The following STIM1 variants were observed in gnomAD, a reference collection of about 807,000 sequenced individuals.
STIM1 encodes stromal interaction molecule 1.
Under a neutral mutation model 74.7 loss-of-function variants are expected in STIM1, and 25 were observed. That is an observed-to-expected ratio of 0.33 (90% CI 0.24 to 0.47). STIM1 has a LOEUF of 0.47. Among genes scored for constraint, STIM1 ranks in the 20% least tolerant of loss-of-function variants. The pLI is 1.00. For missense variants in STIM1, 728 were observed against 920.8 expected (o/e 0.79, Z 2.71); for synonymous variants, 328 against 348.8 (o/e 0.94, Z 0.66).
At chr11:3,987,529 T>C (rs1312518803) in intron 2 of STIM1, among the ~76,000 whole-genome samples, 1 of 152,160 alleles carries the variant, frequency 6.6e-6, no homozygotes, top group Non-Finnish European at 1.5e-5. Context: ...TGGTAACACT[T>C]TCCTCTGCAT....
chr11:4,037,124 C>T (rs1211388485), intron 3 of STIM1, among the ~76,000 whole-genome samples: 2 of 151,336 alleles, frequency 1.3e-5, no homozygotes, highest in Non-Finnish European at 2.9e-5. Flanking sequence ...AGCATGATCT[C>T]GGCTCACTGC....
chr11:3,999,162 A>G (rs1202987914), intron 2 of STIM1, among the ~76,000 whole-genome samples: 1 of 152,198 alleles, frequency 6.6e-6, no homozygotes, highest in African/African-American at 2.4e-5. Context: ...CCTGGACAAT[A>G]TGGTAAGACC....
chr11:4,072,763 A>G (rs1240820868), intron 6 of STIM1, among the ~76,000 whole-genome samples: 3 of 152,232 alleles, frequency 2.0e-5, no homozygotes, highest in African/African-American at 7.2e-5. Flanking sequence ...TGAATCCTTA[A>G]TGGTGTAACT....
intron 1 of STIM1, among the ~76,000 whole-genome samples, chr11:3,951,390 G>A (rs1353860136): frequency 1.3e-5 from 2 of 152,154 alleles, no homozygotes; most frequent in Non-Finnish European, 2.9e-5. Flanking sequence ...GGTTATATGG[G>A]GCAGAAAGAT....
At chr11:4,062,866 C>CT (rs2094340380) in intron 5 of STIM1, among the ~76,000 whole-genome samples, 2 of 137,790 alleles carry the variant, frequency 1.5e-5, no homozygotes, top group Non-Finnish European at 3.2e-5. Flanking sequence ...ACTCAAGTGT[C>CT]TGTCAGTTGA....
rs113766542 is a variant in STIM1, at chr11:3,972,143, C to T, written c.270+4461C>T. On this transcript the variant is annotated intron_variant, in intron 2 of 12. Coordinates refer to ENST00000526596, the MANE Select transcript of STIM1 (RefSeq NM_001382567.1). ...GTCATCTTAAAAGCCTTGCTGATTA[C>T]TCAAGAGCCTTAGTAGAAGTCTGAA... is the stretch of plus-strand genomic sequence containing the variant. Among the ~76,000 whole-genome samples the T allele has an allele frequency of 1.8e-4, 27 of 152,302 alleles. 1 individual carries two copies. Among genetic ancestry groups the T allele is most frequent in the African/African-American group, 6.3e-4 (26 of 41,558 alleles).
At chr11:4,019,914 AT>A (rs1384418231) in intron 2 of STIM1, among the ~76,000 whole-genome samples, 32 of 152,132 alleles carry the variant, frequency 2.1e-4, no homozygotes, top group Non-Finnish European at 4.4e-5. Context: ...CCAACTGTAA[AT>A]TTGTACCCAC....
chr11:3,948,468 T>A (rs1385353325), intron 1 of STIM1, among the ~76,000 whole-genome samples: 4 of 152,218 alleles, frequency 2.6e-5, no homozygotes, highest in African/African-American at 9.6e-5. Context: ...GCTTGCATAA[T>A]CTTACTTATT....
intron 2 of STIM1, among the ~76,000 whole-genome samples, chr11:3,971,163 G>A (rs2093389040): frequency 6.6e-6 from 1 of 151,638 alleles, no homozygotes. Flanking sequence ...ACTGCTTGAG[G>A]CCAGGAGTTC....
intron 1 of STIM1, among the ~76,000 whole-genome samples, chr11:3,954,742 C>T (rs534513062): frequency 6.6e-5 from 10 of 152,250 alleles, no homozygotes; most frequent in Non-Finnish European, 1.5e-4. Flanking sequence ...TGCAGTCTAG[C>T]GTCACCACGT....
intron 1 of STIM1, among the ~76,000 whole-genome samples, chr11:3,966,786 A>G (rs145674681): frequency 2.0e-5 from 3 of 152,334 alleles, no homozygotes; most frequent in Non-Finnish European, 4.4e-5. Context: ...CATCATTCAG[A>G]CTAGGTGTTT....
intron 1 of STIM1, among the ~76,000 whole-genome samples, chr11:3,884,226 G>A (rs902028607): frequency 4.3e-4 from 65 of 152,110 alleles, no homozygotes; most frequent in African/African-American, 1.5e-3. Context: ...AACATTTCAA[G>A]GTTGGAGTTT....
At chr11:4,037,208 A>G (rs1440531494) in intron 3 of STIM1, among the ~76,000 whole-genome samples, 1 of 152,008 alleles carries the variant, frequency 6.6e-6, no homozygotes, top group Non-Finnish European at 1.5e-5. Flanking sequence ...GGTGTGTCCC[A>G]CCATCCCTGG....
At position 3,971,220 on chromosome 11, in the gene STIM1, T is replaced by C. The variant is rs1219638549; in HGVS notation, c.270+3538T>C. 2.0e-5 allele frequency among the ~76,000 whole-genome samples: 2 copies of C among 97,678 alleles called. 1 individual carries two copies. The highest frequency in any genetic ancestry group is 6.4e-4 in the South Asian group (2 of 3,140). 64.1% of individuals were successfully genotyped at this position (97,678 alleles called of 152,430 possible). A position where few individuals can be genotyped will look rare whatever the true frequency, so the allele number is the denominator to read the frequency against. On this transcript the variant is annotated intron_variant, in intron 2 of 12. Transcript: ENST00000526596. ...GTGAGACCTTGTCTCTATAAAAAAA[T>C]AAACAAGTATGAAAAAAAAAAAAAA...
intron 7 of STIM1, 114 bp downstream of exon 7, chr11:4,074,793 T>C: frequency 8.4e-7 from 1 of 1,191,516 alleles, no homozygotes; most frequent in African/African-American, 1.5e-5. Context: ...CCAAAGACTA[T>C]GTTCTAGAGT....
chr11:4,008,627 G>A (rs2093805785), intron 2 of STIM1, among the ~76,000 whole-genome samples: 1 of 152,154 alleles, frequency 6.6e-6, no homozygotes, highest in Non-Finnish European at 1.5e-5. Flanking sequence ...TATGCTAGCA[G>A]CTCAGGGTGC....
chr11:3,948,590 G>C (rs2093107773), intron 1 of STIM1, among the ~76,000 whole-genome samples: 1 of 152,164 alleles, frequency 6.6e-6, no homozygotes, highest in Non-Finnish European at 1.5e-5. Flanking sequence ...AATCAAAGGA[G>C]CCCTACGTGA....
intron 5 of STIM1, among the ~76,000 whole-genome samples, chr11:4,069,360 T>C (rs2094389096): frequency 6.6e-6 from 1 of 152,196 alleles, no homozygotes; most frequent in Non-Finnish European, 1.5e-5. Context: ...CCAGGTGTTC[T>C]CTGAAAATAG....
chr11:3,856,632 T>C (rs1753655052), intron 1 of STIM1, among the ~76,000 whole-genome samples: 2 of 152,236 alleles, frequency 1.3e-5, no homozygotes, highest in African/African-American at 4.8e-5. Context: ...GCACTCAGGA[T>C]TTTTTTTGTT....
Sources: gnomAD v4.1 joint callset for allele counts (sites outside exome capture counted in the v4.1 genomes callset) on GRCh38, gnomAD v4.1.1 for gene constraint, MANE v1.5 for transcripts, NCBI Gene and HGNC (gene_info 2026-07-23, HGNC 2026-07-21) for gene names.